Variants in PDK1 observed in about 807,000 individuals in gnomAD.
PDK1 encodes pyruvate dehydrogenase kinase 1, also known as [Pyruvate dehydrogenase (acetyl-transferring)] kinase isozyme 1, mitochondrial.
A neutral mutation model predicts 54.2 loss-of-function variants in PDK1; 39 were observed. That is an observed-to-expected ratio of 0.72 (90% CI 0.56 to 0.94). PDK1 has a LOEUF of 0.94. Ranked by LOEUF, PDK1 falls within the 40% of genes least tolerant of loss-of-function variation. PDK1 has a pLI of 0.00. For missense variants in PDK1, 552 were observed against 566.0 expected (o/e 0.98, Z 0.25); for synonymous variants, 221 against 207.1 (o/e 1.07, Z -0.58).
intron 10 of PDK1, among the ~76,000 whole-genome samples, chr2:172,595,317 G>A (rs1392263278): frequency 6.6e-6 from 1 of 152,108 alleles, no homozygotes; most frequent in Non-Finnish European, 1.5e-5. Context: ...CAATCTTCCT[G>A]TGTAAGCCTC....
chr2:172,593,052 A>G lies in PDK1; in HGVS notation c.1170+4A>G, dbSNP rs375687279. 1.7e-5 allele frequency: 23 copies of G among 1,327,858 alleles called. No individual in the cohort carries two copies. The African/African-American group carries it at 1.9e-4, about 11-fold the overall frequency. 82.3% of individuals were successfully genotyped at this position (1,327,858 alleles called of 1,614,324 possible). A position where few individuals can be genotyped will look rare whatever the true frequency, so the allele number is the denominator to read the frequency against. ...AGATGCAGTTATCTACATTAAGGTA[A>G]TAGCTGTAGTCTTCTTGATTTAATA... On this transcript the variant is annotated splice_donor_region_variant and intron_variant, in intron 10 of 10. Coordinates refer to ENST00000282077, the MANE Select transcript of PDK1 (RefSeq NM_002610.5).
the PDK1 span, among the ~76,000 whole-genome samples, chr2:172,682,494 T>C: frequency 1.3e-5 from 2 of 152,158 alleles, no homozygotes; most frequent in African/African-American, 4.8e-5. Context: ...CCCTCCTTCC[T>C]CCACAGTGGA....
the PDK1 span, among the ~76,000 whole-genome samples, chr2:172,631,358 C>T: frequency 6.6e-6 from 1 of 152,216 alleles, no homozygotes; most frequent in African/African-American, 2.4e-5. Context: ...AAAGCAGATT[C>T]TCCTAATTAT....
intron 10 of PDK1, among the ~76,000 whole-genome samples, chr2:172,594,304 C>T (rs1281696474): frequency 6.6e-6 from 1 of 152,128 alleles, no homozygotes; most frequent in Non-Finnish European, 1.5e-5. Flanking sequence ...GGATTACAGG[C>T]ATGAGCCACC....
the PDK1 span, among the ~76,000 whole-genome samples, chr2:172,717,495 T>C: frequency 6.6e-6 from 1 of 152,242 alleles, no homozygotes; most frequent in Admixed American, 6.5e-5. Flanking sequence ...CTATTAAACC[T>C]GTTACTTAAA....
chr2:172,563,916 A>G (rs1688792958), intron 3 of PDK1: 5 of 435,634 alleles, frequency 1.1e-5, no homozygotes, highest in Middle Eastern at 4.7e-4. Flanking sequence ...TGGGAAGACT[A>G]GATGATTTGA....
chr2:172,689,200 A>C, the PDK1 span, among the ~76,000 whole-genome samples: 1 of 152,160 alleles, frequency 6.6e-6, no homozygotes, highest in Non-Finnish European at 1.5e-5. Context: ...TGATTGGTCC[A>C]TTTTACAAAC....
the PDK1 span, among the ~76,000 whole-genome samples, chr2:172,709,745 G>A: frequency 1.3e-5 from 2 of 152,172 alleles, no homozygotes; most frequent in Admixed American, 6.5e-5. Context: ...AAGTCACTAT[G>A]TAAATAACGG....
chr2:172,665,509 C>A, the PDK1 span, among the ~76,000 whole-genome samples: 2 of 152,184 alleles, frequency 1.3e-5, no homozygotes, highest in East Asian at 3.9e-4. Flanking sequence ...GTGTGGCTTG[C>A]ATATAAATTC....
intron 8 of PDK1, among the ~76,000 whole-genome samples, chr2:172,571,440 T>G (rs778732577): frequency 6.6e-6 from 1 of 152,216 alleles, no homozygotes; most frequent in Non-Finnish European, 1.5e-5. Context: ...CATCACTCAC[T>G]GTGACCTTGA....
In PDK1 at chr2:172,556,460, T is replaced by G. The variant is rs947515571; in HGVS notation, c.196+114T>G. 1.4e-5 allele frequency: 10 copies of G among 691,588 alleles called. No homozygotes were observed. The South Asian group carries it at 3.5e-4, about 24-fold the overall frequency. 42.8% of individuals were successfully genotyped at this position (691,588 alleles called of 1,614,324 possible). On this transcript the variant is annotated intron_variant, in intron 1 of 10. Coordinates refer to ENST00000282077, the MANE Select transcript of PDK1 (RefSeq NM_002610.5). ...GCTCTCGCCTGAGGCGCACCCCTCC[T>G]CCTCAGCGTTTCCGCCCCCAGCGCC...
the PDK1 span, among the ~76,000 whole-genome samples, chr2:172,655,993 A>G: frequency 6.6e-6 from 1 of 152,222 alleles, no homozygotes; most frequent in Non-Finnish European, 1.5e-5. Context: ...GAGATATTCA[A>G]TAAAGATGAG....
the PDK1 span, among the ~76,000 whole-genome samples, chr2:172,642,221 A>C: frequency 6.6e-6 from 1 of 152,098 alleles, no homozygotes; most frequent in Non-Finnish European, 1.5e-5. Flanking sequence ...TAACGTTAAG[A>C]CTTTTGGAAT....
chr2:172,566,729 C>A, intron 5 of PDK1, 127 bp from the exon 6 acceptor site: 151 of 282,664 alleles, frequency 5.3e-4, no homozygotes, highest in Non-Finnish European at 7.5e-4. Flanking sequence ...TTTCACCAAA[C>A]TATCAAAGTA....
intron 6 of PDK1, among the ~76,000 whole-genome samples, chr2:172,567,951 A>T (rs1377251692): frequency 6.6e-6 from 1 of 152,278 alleles, no homozygotes; most frequent in Non-Finnish European, 1.5e-5. Flanking sequence ...AATTGATGCT[A>T]GCTCATATTT....
chr2:172,714,041 T>C, the PDK1 span, among the ~76,000 whole-genome samples: 1 of 152,264 alleles, frequency 6.6e-6, no homozygotes, highest in Non-Finnish European at 1.5e-5. Flanking sequence ...TGCCTGATTT[T>C]ACAGTAGATC....
chr2:172,579,521 C>CTTCCTTTTTTTTTTTTT (rs1689768172), intron 8 of PDK1, among the ~76,000 whole-genome samples: 1 of 123,680 alleles, frequency 8.1e-6, no homozygotes, highest in South Asian at 2.8e-4. Context: ...CTCCCCCGCT[C>CTTCCTTTTTTTTTTTTT]TTTCTTTTTT....
the PDK1 span, among the ~76,000 whole-genome samples, chr2:172,659,097 C>A: frequency 6.6e-6 from 1 of 152,134 alleles, no homozygotes. Context: ...TAAAAACCTG[C>A]AGGTTTTGTG....
the PDK1 span, among the ~76,000 whole-genome samples, chr2:172,683,218 G>A: frequency 6.6e-6 from 1 of 151,968 alleles, no homozygotes. Flanking sequence ...GTGGTGGCAG[G>A]CGCCTATAGT....
Sources: gnomAD v4.1 joint callset for allele counts (sites outside exome capture counted in the v4.1 genomes callset) on GRCh38, gnomAD v4.1.1 for gene constraint, MANE v1.5 for transcripts, NCBI Gene and HGNC (gene_info 2026-07-23, HGNC 2026-07-21) for gene names.